The following ADGRL2 variants were observed in gnomAD, a reference collection of about 807,000 sequenced individuals.
The protein encoded by ADGRL2 is adhesion G protein-coupled receptor L2, also known as calcium-independent alpha-latrotoxin receptor 2.
In ADGRL2, 44 loss-of-function variants were observed where a neutral mutation model predicts 157.4. The ratio of observed to expected loss-of-function variants is 0.28; its 90% CI spans 0.22 to 0.36. The LOEUF (loss-of-function observed/expected upper bound fraction) is 0.36. ADGRL2 is among the 10% of genes least tolerant of loss of function. The probability of loss-of-function intolerance (pLI) is 1.00; values close to 1 mark genes in which losing one functional copy is unlikely to be tolerated. For missense variants in ADGRL2, 1,510 were observed against 1,768.9 expected (o/e 0.85, Z 2.63); for synonymous variants, 585 against 624.7 (o/e 0.94, Z 0.95).
intron 2 of ADGRL2, among the ~76,000 whole-genome samples, chr1:81,868,168 T>C (rs1172162267): frequency 2.0e-5 from 3 of 151,978 alleles, no homozygotes; most frequent in African/African-American, 7.3e-5. Flanking sequence ...GTGCTAGGCA[T>C]TGCAGTAGGC....
At chr1:81,422,896 C>G (rs1230367146) in intron 1 of ADGRL2, among the ~76,000 whole-genome samples, 3 of 152,134 alleles carry the variant, frequency 2.0e-5, no homozygotes, top group African/African-American at 4.8e-5. Context: ...CAATGTATTT[C>G]AAATCTATGC....
intron 2 of ADGRL2, among the ~76,000 whole-genome samples, chr1:81,523,057 A>AG (rs1450971786): frequency 6.6e-6 from 1 of 152,058 alleles, no homozygotes; most frequent in East Asian, 1.9e-4. Flanking sequence ...GTTACCTGGA[A>AG]AAAAAATTAA....
rs1324695878 is a variant in ADGRL2, at chr1:81,992,409, G to C, written c.*1264G>C. On this transcript the variant is annotated 3_prime_UTR_variant, in exon 24 of 24. Transcript: ENST00000686636. Reference sequence around the variant, plus strand: ...ACACGGTTTGACAGTAAATAAATGTGAATTTTTTCAAGTAGTTAACATGTG... The same window carrying C: ...ACACGGTTTGACAGTAAATAAATGTCAATTTTTTCAAGTAGTTAACATGTG... 1 of 152,336 alleles carries C rather than the reference G, an allele frequency of 6.6e-6. No individual in the cohort carries two copies. Among genetic ancestry groups the C allele is most frequent in the Non-Finnish European group, 1.5e-5 (1 of 67,988 alleles). The allele number at this position is 152,336 out of a possible 1,614,324, so 9.4% of individuals were successfully genotyped here.
intron 2 of ADGRL2, among the ~76,000 whole-genome samples, chr1:81,482,087 A>T (rs973054630): frequency 6.6e-6 from 1 of 152,228 alleles, no homozygotes; most frequent in Non-Finnish European, 1.5e-5. Flanking sequence ...GTTGCCTTGA[A>T]AAATAAAAAT....
intron 1 of ADGRL2, among the ~76,000 whole-genome samples, chr1:81,379,426 A>G (rs1354785879): frequency 6.6e-6 from 1 of 152,158 alleles, no homozygotes; most frequent in Non-Finnish European, 1.5e-5. Flanking sequence ...TCCTTATCAC[A>G]AGGAGAGAGA....
At chr1:81,470,756 T>G (rs2078155094) in intron 2 of ADGRL2, among the ~76,000 whole-genome samples, 1 of 152,204 alleles carries the variant, frequency 6.6e-6, no homozygotes, top group Non-Finnish European at 1.5e-5. Flanking sequence ...CAAATTAACG[T>G]GCAGCAGGAA....
rs34378166 is a variant in ADGRL2, at chr1:81,776,191, A to ATT, written c.-101+14353_-101+14354dup. Reference sequence around the variant, plus strand: ...ACTGTGCCTCAGAGTACCTTAAAGCATTTTTTTTTTTTTTTGAGATGGAGT... The same window carrying ATT: ...ACTGTGCCTCAGAGTACCTTAAAGCATTTTTTTTTTTTTTTTTGAGATGGAGT... On this transcript the variant is annotated intron_variant, in intron 2 of 20. Transcript: ENST00000359929. 2.9e-3 allele frequency among the ~76,000 whole-genome samples: 427 copies of ATT among 144,948 alleles called. 2 individuals are homozygous for ATT. The highest frequency in any genetic ancestry group is 7.4e-3 in the Middle Eastern group (2 of 270).
At chr1:81,475,376 C>T (rs1291258712) in intron 2 of ADGRL2, among the ~76,000 whole-genome samples, 1 of 152,100 alleles carries the variant, frequency 6.6e-6, no homozygotes, top group Non-Finnish European at 1.5e-5. Context: ...GACAACTCTT[C>T]CTCTTTCTCT....
intron 1 of ADGRL2, among the ~76,000 whole-genome samples, chr1:81,822,697 G>A (rs1557710682): frequency 6.6e-6 from 1 of 151,856 alleles, no homozygotes; most frequent in African/African-American, 2.4e-5. Context: ...TTATTTAATA[G>A]CAAAATTAGC....
intron 1 of ADGRL2, chr1:81,722,812 C>G: frequency 1.4e-6 from 1 of 713,504 alleles, no homozygotes; most frequent in Non-Finnish European, 2.5e-6. Flanking sequence ...GTCAGAAGCT[C>G]ACTATGGCTC....
At chr1:81,521,422 A>T (rs1467498228) in intron 2 of ADGRL2, among the ~76,000 whole-genome samples, 1 of 152,182 alleles carries the variant, frequency 6.6e-6, no homozygotes, top group African/African-American at 2.4e-5. Flanking sequence ...GAGTGGTTGT[A>T]TTTGAATTTA....
intron 2 of ADGRL2, among the ~76,000 whole-genome samples, chr1:81,773,895 C>T (rs1425718420): frequency 6.6e-6 from 1 of 152,126 alleles, no homozygotes; most frequent in Non-Finnish European, 1.5e-5. Flanking sequence ...TGAATGAGGT[C>T]ATCGGGGTGG....
chr1:81,415,843 C>T (rs1166132458), intron 1 of ADGRL2, among the ~76,000 whole-genome samples: 3 of 137,858 alleles, frequency 2.2e-5, no homozygotes, highest in Admixed American at 7.3e-5. Flanking sequence ...TCTCCTTTTC[C>T]TTTTTTTTTT....
intron 1 of ADGRL2, among the ~76,000 whole-genome samples, chr1:81,352,043 T>C (rs907164062): frequency 6.6e-6 from 1 of 152,174 alleles, no homozygotes; most frequent in East Asian, 1.9e-4. Flanking sequence ...GCTTCTAACC[T>C]CAAAGGCACA....
intron 1 of ADGRL2, among the ~76,000 whole-genome samples, chr1:81,347,485 C>G (rs772162901): frequency 1.3e-5 from 2 of 151,966 alleles, no homozygotes; most frequent in Non-Finnish European, 2.9e-5. Flanking sequence ...TTATAAAATA[C>G]GAAGGAGCTG....
At chr1:81,492,976 T>C (rs2078663707) in intron 2 of ADGRL2, among the ~76,000 whole-genome samples, 1 of 152,224 alleles carries the variant, frequency 6.6e-6, no homozygotes, top group Non-Finnish European at 1.5e-5. Context: ...ATGTGTAATA[T>C]GTATTTTTAA....
chr1:81,816,376 C>A (rs759418042), intron 1 of ADGRL2, among the ~76,000 whole-genome samples: 8 of 151,602 alleles, frequency 5.3e-5, no homozygotes, highest in Non-Finnish European at 1.0e-4. Flanking sequence ...CTTAAGAATA[C>A]TTTTTATTTT....
chr1:81,411,885 A>G (rs1384195811), intron 1 of ADGRL2, among the ~76,000 whole-genome samples: 1 of 151,954 alleles, frequency 6.6e-6, no homozygotes, highest in Admixed American at 6.6e-5. Context: ...GTCTTAAAAA[A>G]AAAAAAAAAA....
In ADGRL2 at chr1:81,370,125, A is replaced by T. The variant is rs1376951554; in HGVS notation, c.-302+63616A>T. Among the ~76,000 whole-genome samples, 8 of 152,028 alleles carry T rather than the reference A, an allele frequency of 5.3e-5. No homozygotes were observed. In the East Asian group the frequency reaches 1.3e-3, roughly 26 times the overall value. ...ACAAAGTGGTTTGGACACAATTTGG[A>T]GGGGAACTGCCAGAAAAAACAAAAA... is the stretch of plus-strand genomic sequence containing the variant. On this transcript the variant is annotated intron_variant, in intron 1 of 24. Transcript: ENST00000370721.
Sources: allele counts gnomAD v4.1 joint callset (sites outside exome capture counted in the v4.1 genomes callset), GRCh38; gene constraint gnomAD v4.1.1; transcripts MANE v1.5; gene names NCBI Gene and HGNC (gene_info 2026-07-23, HGNC 2026-07-21).